DNAH3: variants seen among roughly 807,000 people sequenced by gnomAD.
The protein encoded by DNAH3 is dynein axonemal heavy chain 3.
A neutral mutation model predicts 432.5 loss-of-function variants in DNAH3; 332 were observed. That is an observed-to-expected ratio of 0.77 (90% CI 0.70 to 0.84). DNAH3 has a LOEUF of 0.84. Ranked by LOEUF, DNAH3 falls within the 40% of genes least tolerant of loss-of-function variation. The pLI, the probability that DNAH3 is intolerant of heterozygous loss-of-function variation, is 0.00. For missense variants in DNAH3, 4,861 were observed against 5,114.0 expected (o/e 0.95, Z 1.51); for synonymous variants, 1,956 against 1,900.2 (o/e 1.03, Z -0.76).
intron 48 of DNAH3, among the ~76,000 whole-genome samples, chr16:20,983,890 CGT>C: frequency 6.6e-6 from 1 of 151,696 alleles, no homozygotes; most frequent in Non-Finnish European, 1.5e-5. Context: ...AGCTGGGCAT[CGT>C]GGTGTGTGCC....
chr16:21,126,072 A>T (rs2092440211), intron 8 of DNAH3, among the ~76,000 whole-genome samples: 1 of 152,208 alleles, frequency 6.6e-6, no homozygotes, highest in South Asian at 2.1e-4. Flanking sequence ...CTGAGGCAGG[A>T]GAATCACTTG....
At chr16:21,152,452 C>G (rs1404339801) in intron 1 of DNAH3, among the ~76,000 whole-genome samples, 1 of 152,236 alleles carries the variant, frequency 6.6e-6, no homozygotes, top group Non-Finnish European at 1.5e-5. Flanking sequence ...TCACAGCCCT[C>G]GCTCGCTCTC....
chr16:21,045,193 T>G (rs890480300), intron 31 of DNAH3, among the ~76,000 whole-genome samples: 20 of 151,012 alleles, frequency 1.3e-4, no homozygotes, highest in African/African-American at 4.8e-4. Context: ...CCTCATAAAA[T>G]GAGTTAGGGA....
intron 40 of DNAH3, 132 bp from the exon 41 acceptor site, chr16:21,020,001 C>CTT (rs1298152942): frequency 4.1e-6 from 4 of 974,214 alleles, no homozygotes; most frequent in Non-Finnish European, 6.1e-6. Flanking sequence ...TGCCTATCAC[C>CTT]TACCAGATCA....
chr16:20,987,157 A>G (rs1439126933), intron 47 of DNAH3, 148 bp downstream of exon 47: 7 of 960,582 alleles, frequency 7.3e-6, no homozygotes, highest in Non-Finnish European at 1.1e-5. Context: ...CACCAAGTCA[A>G]AAAGAGCAGT....
chr16:20,997,624 G>C (rs1461456326), intron 43 of DNAH3, among the ~76,000 whole-genome samples, 162 bp from the exon 44 acceptor site: 1 of 152,142 alleles, frequency 6.6e-6, no homozygotes, highest in Non-Finnish European at 1.5e-5. Context: ...CAGATTGGAA[G>C]GGGTTTTCCT....
At position 21,019,638 on chromosome 16, in the gene DNAH3, A is replaced by T. The variant is rs750231948; in HGVS notation, c.6008T>A (p.Ile2003Asn). Residue 2003 changes from isoleucine (I) to asparagine (N), a missense_variant, in exon 41 of 62, where the codon ATC (isoleucine) becomes AAC (asparagine). Coordinates refer to ENST00000261383, the Ensembl canonical transcript of DNAH3. ...TTCTAAATTACCTCTTTCTGGAAAGATGTTGTTTTTGGTGAGTTTGACGCT... is the reference window on the plus strand; with the variant it reads ...TTCTAAATTACCTCTTTCTGGAAAGTTGTTGTTTTTGGTGAGTTTGACGCT... The T allele has an allele frequency of 1.2e-6, 2 of 1,614,126 alleles. No individual in the cohort carries two copies. Among genetic ancestry groups the T allele is most frequent in the Non-Finnish European group, 1.7e-6 (2 of 1,180,018 alleles).
chr16:21,002,875 G>A (rs186407563), intron 42 of DNAH3, among the ~76,000 whole-genome samples: 2 of 152,250 alleles, frequency 1.3e-5, no homozygotes, highest in Admixed American at 6.5e-5. Context: ...AACCATAAAT[G>A]TTCCCCCCAC....
At chr16:20,940,803 A>G (rs2083777158) in intron 59 of DNAH3, among the ~76,000 whole-genome samples, 1 of 151,850 alleles carries the variant, frequency 6.6e-6, no homozygotes, top group Admixed American at 6.6e-5. Context: ...CTCAATACAA[A>G]TGGCTCTAGG....
intron 39 of DNAH3, among the ~76,000 whole-genome samples, chr16:21,022,798 G>A (rs2088316652): frequency 6.7e-6 from 1 of 150,204 alleles, no homozygotes. Context: ...AGGCTGGAGT[G>A]CAATGGTGTG....
At chr16:21,038,021 C>A in intron 33 of DNAH3, 41 bp from the exon 34 acceptor site, 1 of 1,565,736 alleles carries the variant, frequency 6.4e-7, no homozygotes, top group Non-Finnish European at 8.8e-7. Flanking sequence ...CCAGAGAGGA[C>A]TACGTCCTGC....
intron 37 of DNAH3, among the ~76,000 whole-genome samples, chr16:21,027,467 C>T (rs1272228596): frequency 6.6e-6 from 1 of 152,164 alleles, no homozygotes; most frequent in Non-Finnish European, 1.5e-5. Context: ...CTATATAGAT[C>T]CACACCTAAG....
At position 21,123,007 on chromosome 16, in the gene DNAH3, A is replaced by G. The variant is rs190053721; in HGVS notation, c.1405-883T>C. 7.2e-4 allele frequency among the ~76,000 whole-genome samples: 110 copies of G among 152,096 alleles called. 1 individual carries two copies. Among genetic ancestry groups the G allele is most frequent in the South Asian group, 5.6e-3 (27 of 4,814 alleles). On this transcript the variant is annotated intron_variant, in intron 9 of 61. Transcript: ENST00000261383. ...TTTATATGCGTATCTCAACTTGTCT[A>G]TTCTAAAGTTGAGGGCAGGATCTAT...
chr16:21,110,845 G>A (rs1046206426), intron 14 of DNAH3, among the ~76,000 whole-genome samples: 6 of 151,960 alleles, frequency 3.9e-5, no homozygotes, highest in African/African-American at 9.7e-5. Flanking sequence ...CTGCACTCCA[G>A]CCTAGGGGAC....
intron 18 of DNAH3, among the ~76,000 whole-genome samples, chr16:21,091,820 A>T (rs987471457): frequency 6.6e-6 from 1 of 152,196 alleles, no homozygotes; most frequent in African/African-American, 2.4e-5. Flanking sequence ...TGTCTCAAAA[A>T]AGAAAAAAAA....
At chr16:21,073,744 C>T (rs1023164190) in intron 21 of DNAH3, among the ~76,000 whole-genome samples, 2 of 152,102 alleles carry the variant, frequency 1.3e-5, no homozygotes, top group African/African-American at 2.4e-5. Flanking sequence ...CCAAGACAGC[C>T]GGCCATAAGG....
intron 7 of DNAH3, among the ~76,000 whole-genome samples, chr16:21,133,575 G>A (rs1018375080): frequency 6.6e-6 from 1 of 151,810 alleles, no homozygotes; most frequent in Non-Finnish European, 1.5e-5. Flanking sequence ...ACCCCATCTT[G>A]ACTAAAGATG....
At chr16:21,125,473 T>A (rs1217296301) in intron 8 of DNAH3, 103 bp from the exon 10 acceptor site, 1 of 889,146 alleles carries the variant, frequency 1.1e-6, no homozygotes, top group Non-Finnish European at 1.6e-6. Flanking sequence ...GGGCTCAATG[T>A]CCCACCAAGC....
At chr16:21,093,293 A>C (rs1367467907) in intron 18 of DNAH3, among the ~76,000 whole-genome samples, 1 of 152,220 alleles carries the variant, frequency 6.6e-6, no homozygotes, top group East Asian at 1.9e-4. Flanking sequence ...ACTTACCTCA[A>C]AAAGTGAAAT....
Sources: allele counts gnomAD v4.1 joint callset (sites outside exome capture counted in the v4.1 genomes callset), GRCh38; gene constraint gnomAD v4.1.1; transcripts MANE v1.5; gene names NCBI Gene and HGNC (gene_info 2026-07-23, HGNC 2026-07-21).